Variants in ABLIM1 observed in about 807,000 individuals in gnomAD.
ABLIM1 encodes actin binding LIM protein 1.
In ABLIM1, 40 loss-of-function variants were observed where a neutral mutation model predicts 107.0. The observed-to-expected ratio is 0.37, with a 90% CI of 0.29 to 0.49. The LOEUF is 0.49. ABLIM1 is among the 20% of genes least tolerant of loss of function. The probability of loss-of-function intolerance (pLI) is 0.97; values close to 1 mark genes in which losing one functional copy is unlikely to be tolerated. For synonymous variants in ABLIM1, 357 were observed against 357.3 expected, an observed-to-expected ratio of 1.00 and a Z score of 0.01; for missense variants, 857 against 1,008.5, an observed-to-expected ratio of 0.85 and a Z score of 2.04.
At position 114,647,586 on chromosome 10, in the gene ABLIM1, C is replaced by T. The variant is rs184856285; in HGVS notation, c.244+10371G>A. 1.1e-4 allele frequency among the ~76,000 whole-genome samples: 16 copies of T among 152,314 alleles called. No individual in the cohort carries two copies. The East Asian group carries it at 2.3e-3, about 22-fold the overall frequency. On this transcript the variant is annotated intron_variant, in intron 1 of 22. Coordinates refer to ENST00000533213, the MANE Select transcript of ABLIM1 (RefSeq NM_002313.7). ...ATGGACAGAAAGGGAGCTGGCTGAGCGCTAGCTGTGGCCCTAGCTATTTGA... is the reference window on the plus strand; with the variant it reads ...ATGGACAGAAAGGGAGCTGGCTGAGTGCTAGCTGTGGCCCTAGCTATTTGA...
At chr10:114,627,754 A>G (rs1038271149) in intron 1 of ABLIM1, among the ~76,000 whole-genome samples, 1 of 152,228 alleles carries the variant, frequency 6.6e-6, no homozygotes, top group African/African-American at 2.4e-5. Context: ...TATTATTTGA[A>G]GCATCTGTTT....
At chr10:114,481,430 T>C (rs1046630996) in intron 8 of ABLIM1, among the ~76,000 whole-genome samples, 1 of 151,478 alleles carries the variant, frequency 6.6e-6, no homozygotes, top group Non-Finnish European at 1.5e-5. Context: ...CAACTACTGA[T>C]ATAAGGTGAC....
chr10:114,717,897 G>A (rs2081710095), intron 1 of ABLIM1, among the ~76,000 whole-genome samples: 1 of 123,334 alleles, frequency 8.1e-6, no homozygotes. Flanking sequence ...GGGTGACAGA[G>A]AAAGACCCTG....
the ABLIM1 span, among the ~76,000 whole-genome samples, chr10:114,787,753 G>C: frequency 1.4e-5 from 2 of 140,870 alleles, no homozygotes; most frequent in Admixed American, 7.1e-5. Flanking sequence ...CGGGAGGTGA[G>C]GGGAGCCTCT....
chr10:114,798,902 T>C, the ABLIM1 span, among the ~76,000 whole-genome samples: 1 of 152,062 alleles, frequency 6.6e-6, no homozygotes, highest in Non-Finnish European at 1.5e-5. Context: ...TTCAAGCGAT[T>C]CTCCTGCCTC....
At chr10:114,547,158 T>TA (rs200920089) in intron 5 of ABLIM1, among the ~76,000 whole-genome samples, 148 of 70,946 alleles carry the variant, frequency 2.1e-3, no homozygotes, top group Non-Finnish European at 3.2e-3. Flanking sequence ...AGGCTACATT[T>TA]AAAAAAAAAA....
At chr10:114,503,860 C>A (rs1348195201) in intron 6 of ABLIM1, among the ~76,000 whole-genome samples, 3 of 152,210 alleles carry the variant, frequency 2.0e-5, no homozygotes, top group African/African-American at 7.2e-5. Flanking sequence ...CAGAGTGCCA[C>A]TGAACAATTT....
upstream of ABLIM1, among the ~76,000 whole-genome samples, chr10:114,659,823 G>C (rs992957213): frequency 2.0e-5 from 3 of 152,168 alleles, no homozygotes; most frequent in Admixed American, 1.3e-4. Context: ...ACAATGCAGA[G>C]AGCCTAGGGT....
At chr10:114,518,642 TG>T (rs772389140) in intron 6 of ABLIM1, among the ~76,000 whole-genome samples, 13 of 151,886 alleles carry the variant, frequency 8.6e-5, no homozygotes, top group Admixed American at 2.6e-4. Context: ...GAACCATGTC[TG>T]TTCATTTACA....
the ABLIM1 span, among the ~76,000 whole-genome samples, chr10:114,798,836 G>C: frequency 6.6e-6 from 1 of 151,318 alleles, no homozygotes; most frequent in Non-Finnish European, 1.5e-5. Context: ...TCGCTCTGTC[G>C]CCAGGCTGGA....
intron 9 of ABLIM1, among the ~76,000 whole-genome samples, 193 bp downstream of exon 9, chr10:114,473,686 T>C (rs2067014889): frequency 6.6e-6 from 1 of 152,202 alleles, no homozygotes; most frequent in Non-Finnish European, 1.5e-5. Context: ...ATCACTCTGT[T>C]GATGGTCACA....
At chr10:114,637,861 T>G (rs989365521) in intron 1 of ABLIM1, among the ~76,000 whole-genome samples, 8 of 152,242 alleles carry the variant, frequency 5.3e-5, no homozygotes, top group African/African-American at 1.9e-4. Flanking sequence ...GAAAAGGCCA[T>G]TTTTAAAAAC....
At chr10:114,549,151 G>A (rs531572000) in intron 4 of ABLIM1, among the ~76,000 whole-genome samples, 5 of 152,158 alleles carry the variant, frequency 3.3e-5, no homozygotes, top group Admixed American at 6.5e-5. Context: ...TTGGGAGGCC[G>A]AGGCGGATGG....
chr10:114,542,166 T>C (rs1209166118), intron 6 of ABLIM1, among the ~76,000 whole-genome samples: 2 of 152,126 alleles, frequency 1.3e-5, no homozygotes, highest in Non-Finnish European at 2.9e-5. Flanking sequence ...CTCAGCACTT[T>C]GGGAGGCTGA....
intron 6 of ABLIM1, among the ~76,000 whole-genome samples, chr10:114,536,713 TGGTCTGACAA>T (rs1565865453): frequency 1.3e-5 from 2 of 152,236 alleles, no homozygotes; most frequent in East Asian, 3.8e-4. Flanking sequence ...TGTCAAGTGA[TGGTCTGACAA>T]TACACAAGGT....
At chr10:114,537,416 T>G (rs1439703831) in intron 6 of ABLIM1, among the ~76,000 whole-genome samples, 3 of 152,222 alleles carry the variant, frequency 2.0e-5, no homozygotes, top group Non-Finnish European at 4.4e-5. Context: ...TACAGTATAT[T>G]GCTGGTTAAC....
At chr10:114,618,679 C>T (rs1266933903) in intron 1 of ABLIM1, among the ~76,000 whole-genome samples, 1 of 152,230 alleles carries the variant, frequency 6.6e-6, no homozygotes, top group African/African-American at 2.4e-5. Context: ...GGCACAGGCC[C>T]TGTCAACAAG....
At chr10:114,622,699 G>A (rs1371877992) in intron 1 of ABLIM1, among the ~76,000 whole-genome samples, 2 of 152,196 alleles carry the variant, frequency 1.3e-5, no homozygotes, top group African/African-American at 2.4e-5. Context: ...AGATCCCCTT[G>A]CACACAGATT....
chr10:114,766,645 T>C (rs1021613021), intron 1 of ABLIM1, among the ~76,000 whole-genome samples: 1 of 152,096 alleles, frequency 6.6e-6, no homozygotes, highest in African/African-American at 2.4e-5. Context: ...CTAACAGGTT[T>C]GGGTGCTGTA....
Sources: allele counts gnomAD v4.1 joint callset (sites outside exome capture counted in the v4.1 genomes callset), GRCh38; gene constraint gnomAD v4.1.1; transcripts MANE v1.5; gene names NCBI Gene and HGNC (gene_info 2026-07-23, HGNC 2026-07-21).